Variants in TNKS observed in about 807,000 individuals in gnomAD.
TNKS encodes tankyrase.
In TNKS, 72 loss-of-function variants were observed where a neutral mutation model predicts 135.8. The ratio of observed to expected loss-of-function variants is 0.53; its 90% CI spans 0.44 to 0.64. The LOEUF is 0.64. Ranked by LOEUF, TNKS falls within the 30% of genes least tolerant of loss-of-function variation. The pLI is 0.00. For missense variants in TNKS, 1,769 were observed against 1,674.0 expected, an observed-to-expected ratio of 1.06 and a Z score of -0.99; for synonymous variants, 849 against 649.3, an observed-to-expected ratio of 1.31 and a Z score of -4.68.
At chr8:9,745,327 G>A (rs1219724582) in intron 17 of TNKS, among the ~76,000 whole-genome samples, 3 of 152,136 alleles carry the variant, frequency 2.0e-5, no homozygotes, top group Non-Finnish European at 4.4e-5. Context: ...AATCCCAGAA[G>A]AATCACAAAA....
intron 9 of TNKS, among the ~76,000 whole-genome samples, chr8:9,708,993 T>G (rs1156938810): frequency 6.6e-6 from 1 of 152,278 alleles, no homozygotes; most frequent in South Asian, 2.1e-4. Context: ...TATCCACGTT[T>G]TTTTCTTCAA....
intron 2 of TNKS, among the ~76,000 whole-genome samples, chr8:9,598,705 ATGTGTGTGTGTG>A (rs376761155): frequency 2.8e-5 from 3 of 108,172 alleles, no homozygotes; most frequent in Non-Finnish European, 3.9e-5. Flanking sequence ...TGTCTAAAAT[ATGTGTGTGTGTG>A]TGTGTGTGTG....
At chr8:9,605,605 C>G (rs550922903) in intron 2 of TNKS, among the ~76,000 whole-genome samples, 1 of 152,168 alleles carries the variant, frequency 6.6e-6, no homozygotes, top group Admixed American at 6.5e-5. Flanking sequence ...ATTTGTAATG[C>G]CCACAAGTAA....
intron 2 of TNKS, among the ~76,000 whole-genome samples, chr8:9,595,013 C>A (rs570706316): frequency 6.6e-6 from 1 of 152,162 alleles, no homozygotes. Flanking sequence ...TTCAGTGAAG[C>A]CTTGAAAATC....
At position 9,622,863 on chromosome 8, in the gene TNKS, C is replaced by G. The variant is rs139617675; in HGVS notation, c.994+7186C>G. Among the ~76,000 whole-genome samples the G allele has an allele frequency of 4.6e-3, 701 of 152,226 alleles. 1 individual carries two copies. Among genetic ancestry groups the G allele is most frequent in the Non-Finnish European group, 6.6e-3 (449 of 68,010 alleles). On this transcript the variant is annotated intron_variant, in intron 3 of 26. Transcript: ENST00000310430. ...CTTCCCTTATCTGTGGGGATACGTT[C>G]CAAGACCCCCAGTGGATACCTGAAA...
rs1379130028 is a variant in TNKS at position 9,780,922 on chromosome 8, C to A, written c.*4186C>A. 6.6e-6 allele frequency: 1 copy of A among 152,154 alleles called. No homozygotes were observed. Among genetic ancestry groups the A allele is most frequent in the African/African-American group, 2.4e-5 (1 of 41,422 alleles). 9.4% of individuals were successfully genotyped at this position (152,154 alleles called of 1,614,324 possible). On this transcript the variant is annotated 3_prime_UTR_variant, in exon 27 of 27. Transcript: ENST00000310430. The stretch of plus-strand genomic sequence containing the variant: ...GAGAAGTGCTGGAAAGATTTCAAAG[C>A]CTATTCAGTTGTGTATGTGGGGATA...
chr8:9,751,460 T>C (rs1183823088), intron 18 of TNKS, 149 bp from the exon 19 acceptor site: 2 of 606,730 alleles, frequency 3.3e-6, no homozygotes, highest in Non-Finnish European at 5.7e-6. Flanking sequence ...TTTGGAGCTG[T>C]GGATAGGAGA....
intron 13 of TNKS, among the ~76,000 whole-genome samples, chr8:9,727,286 A>G (rs1171821463): frequency 6.6e-6 from 1 of 152,176 alleles, no homozygotes; most frequent in Admixed American, 6.5e-5. Context: ...TATAGAAACA[A>G]TGGTTGTAGT....
chr8:9,566,570 T>G (rs1797549487), intron 1 of TNKS: 1 of 151,352 alleles, frequency 6.6e-6, no homozygotes, highest in Admixed American at 6.6e-5. Context: ...ACATAAATAT[T>G]AATCCTCGTA....
chr8:9,672,701 CACACACACACA>C (rs1802345164), intron 3 of TNKS, among the ~76,000 whole-genome samples: 1 of 116,494 alleles, frequency 8.6e-6, no homozygotes, highest in Non-Finnish European at 1.8e-5. Context: ...CACACACACA[CACACACACACA>C]AAAAAAAAAA....
chr8:9,698,101 C>T (rs1024182935), intron 5 of TNKS, among the ~76,000 whole-genome samples: 3 of 152,018 alleles, frequency 2.0e-5, no homozygotes, highest in Non-Finnish European at 4.4e-5. Flanking sequence ...CCCTTTGCAG[C>T]AATATGAATG....
intron 5 of TNKS, among the ~76,000 whole-genome samples, chr8:9,684,685 C>T (rs1463305687): frequency 2.0e-5 from 3 of 152,116 alleles, no homozygotes; most frequent in Admixed American, 2.0e-4. Context: ...AAAATAACAT[C>T]TCCAATGTAA....
intron 5 of TNKS, among the ~76,000 whole-genome samples, chr8:9,696,421 A>G (rs1803517010): frequency 6.6e-6 from 1 of 152,146 alleles, no homozygotes; most frequent in Non-Finnish European, 1.5e-5. Flanking sequence ...ACTAAGAAAT[A>G]ACATGAGGAA....
intron 20 of TNKS, among the ~76,000 whole-genome samples, chr8:9,758,362 C>T (rs1011543805): frequency 6.7e-6 from 1 of 149,294 alleles, no homozygotes; most frequent in East Asian, 2.0e-4. Context: ...CTTTTCATCT[C>T]TTCTATCCTT....
intron 2 of TNKS, among the ~76,000 whole-genome samples, chr8:9,612,849 C>G (rs1396321870): frequency 6.8e-6 from 1 of 147,228 alleles, no homozygotes; most frequent in Non-Finnish European, 1.5e-5. Flanking sequence ...ACAGTCAACA[C>G]TTATTTTGTA....
At position 9,628,061 on chromosome 8, in the gene TNKS, C is replaced by T. The variant is rs149680764; in HGVS notation, c.994+12384C>T. On this transcript the variant is annotated intron_variant, in intron 3 of 26. Coordinates refer to ENST00000310430, the MANE Select transcript of TNKS (RefSeq NM_003747.3). ...TTGCTCTGGATTTCATTCCATCTCACCTTCTCAGGAATTTGTTTCCTGCAG... is the reference window on the plus strand; with the variant it reads ...TTGCTCTGGATTTCATTCCATCTCATCTTCTCAGGAATTTGTTTCCTGCAG... 5.9e-4 allele frequency among the ~76,000 whole-genome samples: 90 copies of T among 152,292 alleles called. 4 individuals are homozygous for T. In the South Asian group the frequency reaches 0.017, roughly 29 times the overall value.
chr8:9,632,413 C>G (rs536332465), intron 3 of TNKS, among the ~76,000 whole-genome samples: 1 of 151,710 alleles, frequency 6.6e-6, no homozygotes, highest in South Asian at 2.1e-4. Flanking sequence ...ATTTCTTATT[C>G]TTTTCCCTCT....
intron 2 of TNKS, among the ~76,000 whole-genome samples, chr8:9,583,484 A>G (rs552934665): frequency 2.0e-5 from 3 of 152,034 alleles, no homozygotes; most frequent in African/African-American, 7.2e-5. Flanking sequence ...AATATATGCT[A>G]TATGATTTTT....
At chr8:9,686,463 G>A (rs1007654627) in intron 5 of TNKS, among the ~76,000 whole-genome samples, 2 of 152,144 alleles carry the variant, frequency 1.3e-5, no homozygotes, top group African/African-American at 4.8e-5. Flanking sequence ...TGTTGGGGTG[G>A]TTTGTTATGT....
Sources: gnomAD v4.1 joint callset for allele counts (sites outside exome capture counted in the v4.1 genomes callset) on GRCh38, gnomAD v4.1.1 for gene constraint, MANE v1.5 for transcripts, NCBI Gene and HGNC (gene_info 2026-07-23, HGNC 2026-07-21) for gene names.